TASP1: variants seen among roughly 807,000 people sequenced by gnomAD.
TASP1 encodes taspase 1, also known as threonine aspartase 1.
A neutral mutation model predicts 56.6 loss-of-function variants in TASP1; 16 were observed. The observed-to-expected ratio is 0.28, with a 90% CI of 0.19 to 0.43. The LOEUF (loss-of-function observed/expected upper bound fraction) is 0.43. Among genes scored for constraint, TASP1 ranks in the 20% least tolerant of loss-of-function variants. The pLI, the probability that TASP1 is intolerant of heterozygous loss-of-function variation, is 1.00. For synonymous variants in TASP1, 179 were observed against 184.2 expected, an observed-to-expected ratio of 0.97 and a Z score of 0.23; for missense variants, 393 against 511.6, an observed-to-expected ratio of 0.77 and a Z score of 2.24.
chr20:13,434,889 A>G (rs1270601331), intron 12 of TASP1, among the ~76,000 whole-genome samples, 155 bp downstream of exon 12: 1 of 152,192 alleles, frequency 6.6e-6, no homozygotes. Flanking sequence ...ATGCTTATCT[A>G]CGGAAAAAGA....
the TASP1 span, among the ~76,000 whole-genome samples, chr20:13,143,229 T>C: frequency 6.6e-6 from 1 of 152,190 alleles, no homozygotes; most frequent in African/African-American, 2.4e-5. Flanking sequence ...GTCAGTTATG[T>C]AGACAAGAGG....
the TASP1 span, among the ~76,000 whole-genome samples, chr20:13,281,587 C>T: frequency 1.6e-4 from 25 of 152,206 alleles, no homozygotes; most frequent in Non-Finnish European, 8.8e-5. Flanking sequence ...GAGATTCACC[C>T]CAGGCAGTCT....
chr20:13,267,467 G>T, the TASP1 span, among the ~76,000 whole-genome samples: 1 of 152,196 alleles, frequency 6.6e-6, no homozygotes, highest in East Asian at 1.9e-4. Flanking sequence ...CCCTTTCCAT[G>T]TGTAGACACA....
At chr20:13,507,464 C>T (rs926827587) in intron 10 of TASP1, among the ~76,000 whole-genome samples, 9 of 151,838 alleles carry the variant, frequency 5.9e-5, no homozygotes, top group African/African-American at 9.7e-5. Flanking sequence ...GCCCAGGAGG[C>T]GATTCCATTG....
chr20:13,638,724 G>A (rs1600233850), intron 1 of TASP1, among the ~76,000 whole-genome samples, 170 bp downstream of exon 1: 1 of 152,292 alleles, frequency 6.6e-6, no homozygotes, highest in East Asian at 1.9e-4. Flanking sequence ...TAGGGAACTA[G>A]GGACATCCTG....
chr20:13,124,581 G>A, the TASP1 span, among the ~76,000 whole-genome samples: 1 of 151,994 alleles, frequency 6.6e-6, no homozygotes, highest in East Asian at 1.9e-4. Flanking sequence ...GTGAAAGGGG[G>A]GGATTCAGAA....
At chr20:13,261,195 C>T in the TASP1 span, among the ~76,000 whole-genome samples, 2 of 152,112 alleles carry the variant, frequency 1.3e-5, no homozygotes, top group African/African-American at 2.4e-5. Flanking sequence ...GGGTGGATCA[C>T]CTGAGGTCAG....
At chr20:13,298,833 T>G in the TASP1 span, 5 of 1,052,430 alleles carry the variant, frequency 4.8e-6, no homozygotes, top group Admixed American at 1.2e-4. Context: ...TTGACTTTAG[T>G]GTCCTCCTGC....
chr20:13,313,337 A>C, the TASP1 span, among the ~76,000 whole-genome samples: 1 of 152,236 alleles, frequency 6.6e-6, no homozygotes, highest in Non-Finnish European at 1.5e-5. Context: ...AGTGAAGTGT[A>C]ACCTAACTGG....
In TASP1 at chr20:13,438,209, C is replaced by T. The variant is rs2043080642; in HGVS notation, c.986-3055G>A. 2.0e-5 allele frequency among the ~76,000 whole-genome samples: 3 copies of T among 152,150 alleles called. No homozygotes were observed. The South Asian group carries it at 6.2e-4, about 32-fold the overall frequency. ...CCCGCATTGCCAAGTCAATCCTAAG[C>T]CAAAAGAACAAAGCTGGAGGCATCA... is the stretch of plus-strand genomic sequence containing the variant. On this transcript the variant is annotated intron_variant, in intron 11 of 13. Transcript: ENST00000337743.
intron 10 of TASP1, among the ~76,000 whole-genome samples, chr20:13,518,964 G>GA (rs2044635304): frequency 6.6e-6 from 1 of 151,994 alleles, no homozygotes; most frequent in Admixed American, 6.6e-5. Context: ...ATAAAATGTG[G>GA]TACATATACA....
the TASP1 span, among the ~76,000 whole-genome samples, chr20:13,310,197 G>A: frequency 6.6e-6 from 1 of 152,238 alleles, no homozygotes; most frequent in Non-Finnish European, 1.5e-5. Flanking sequence ...ATACTACAAA[G>A]GTGTAGTAAT....
chr20:13,266,202 A>AG, the TASP1 span, among the ~76,000 whole-genome samples: 2 of 152,216 alleles, frequency 1.3e-5, no homozygotes, highest in Non-Finnish European at 2.9e-5. Flanking sequence ...ACACCAAGTA[A>AG]GAAAAAGAGG....
chr20:13,234,530 A>G, the TASP1 span, among the ~76,000 whole-genome samples: 2 of 152,192 alleles, frequency 1.3e-5, no homozygotes, highest in African/African-American at 4.8e-5. Flanking sequence ...AAATCTCCAT[A>G]CTGTTTTCTA....
At chr20:13,313,831 C>T in the TASP1 span, among the ~76,000 whole-genome samples, 1 of 152,162 alleles carries the variant, frequency 6.6e-6, no homozygotes, top group Non-Finnish European at 1.5e-5. Flanking sequence ...ATTGTTAGGC[C>T]AGGAATTTAA....
At chr20:13,173,297 C>T in the TASP1 span, among the ~76,000 whole-genome samples, 1 of 152,206 alleles carries the variant, frequency 6.6e-6, no homozygotes, top group Admixed American at 6.5e-5. Flanking sequence ...CCAACACCAA[C>T]TTCATTTACT....
In TASP1 at chr20:13,588,306, GAAGA is replaced by G. The variant is rs1308206596; in HGVS notation, c.283-940_283-937del. Among the ~76,000 whole-genome samples, 200 of 103,660 alleles carry G rather than the reference GAAGA, an allele frequency of 1.9e-3. 2 individuals carry two copies. The highest frequency in any genetic ancestry group is 5.8e-3 in the African/African-American group (165 of 28,600). The allele number at this position is 103,660 out of a possible 152,430, so 68.0% of individuals were successfully genotyped here. ...GGAAGGAAGGAAGGAAGGAAGGAAGGAAGAGAAAGAAAAGGAAGGAAGGAAGGAA... is the reference window on the plus strand; with the variant it reads ...GGAAGGAAGGAAGGAAGGAAGGAAGGGAAAGAAAAGGAAGGAAGGAAGGAA... On this transcript the variant is annotated intron_variant, in intron 4 of 13. Transcript: ENST00000337743.
chr20:13,147,895 G>A, the TASP1 span, among the ~76,000 whole-genome samples: 7 of 152,076 alleles, frequency 4.6e-5, no homozygotes, highest in Admixed American at 4.6e-4. Flanking sequence ...ATGGTATCTG[G>A]GCATATTCAT....
chr20:13,570,265 C>G (rs2046667557), intron 6 of TASP1, among the ~76,000 whole-genome samples: 1 of 152,058 alleles, frequency 6.6e-6, no homozygotes, highest in South Asian at 2.1e-4. Context: ...TTACCCCATT[C>G]CCTAAGTAAT....
Sources: allele counts gnomAD v4.1 joint callset (sites outside exome capture counted in the v4.1 genomes callset), GRCh38; gene constraint gnomAD v4.1.1; transcripts MANE v1.5; gene names NCBI Gene and HGNC (gene_info 2026-07-23, HGNC 2026-07-21).